Variants in ARSK observed in about 807,000 individuals in gnomAD.
ARSK encodes the protein arylsulfatase K.
Under a neutral mutation model 53.2 loss-of-function variants are expected in ARSK, and 37 were observed. The ratio of observed to expected loss-of-function variants is 0.70; its 90% confidence interval spans 0.54 to 0.92. The LOEUF is 0.92. Among genes scored for constraint, ARSK ranks in the 40% least tolerant of loss-of-function variants. The pLI, the probability that ARSK is intolerant of heterozygous loss-of-function variation, is 0.00. For synonymous variants in ARSK, 208 were observed against 223.2 expected (o/e 0.93, Z 0.61); for missense variants, 613 against 643.0 (o/e 0.95, Z 0.51).
chr5:95,576,750 G>A (rs927586924), intron 3 of ARSK, among the ~76,000 whole-genome samples: 44 of 151,766 alleles, frequency 2.9e-4, no homozygotes, highest in Admixed American at 9.8e-4. Flanking sequence ...CCCAGACTCT[G>A]GGTCTTCTCA....
chr5:95,582,381 A>C (rs1032148911), intron 3 of ARSK, among the ~76,000 whole-genome samples: 2 of 152,152 alleles, frequency 1.3e-5, no homozygotes, highest in Non-Finnish European at 1.5e-5. Context: ...TCGTATCACT[A>C]TTAGCTTAGA....
At position 95,566,120 on chromosome 5, in the gene ARSK, A is replaced by G; in HGVS notation, c.249A>G (p.Ser83=). ...AYTNSPICCP[S]RAAMWSGLFT... The stretch of plus-strand genomic sequence containing the variant: ...CAAACTCTCCAATTTGTTGCCCATC[A>G]CGCGCAGGTATGAACATCCTTAATA... Residue 83 remains serine (S), a synonymous_variant, in exon 2 of 8, where the codon TCA becomes TCG. Coordinates refer to ENST00000380009, the MANE Select transcript of ARSK (RefSeq NM_198150.3). 2 of 1,613,432 alleles carry G rather than the reference A, an allele frequency of 1.2e-6. No homozygotes were observed. Among genetic ancestry groups the G allele is most frequent in the African/African-American group, 1.3e-5 (1 of 75,014 alleles).
intron 1 of ARSK, among the ~76,000 whole-genome samples, chr5:95,559,045 G>A (rs1192755779): frequency 6.6e-6 from 1 of 152,202 alleles, no homozygotes; most frequent in Non-Finnish European, 1.5e-5. Context: ...GGAGGCTGAG[G>A]CAGGGAGAAT....
rs902167609 is a variant in ARSK, at chr5:95,591,515, T to G, written c.986T>G (p.Met329Arg). 11 of 1,614,060 alleles carry G rather than the reference T, an allele frequency of 6.8e-6. No individual in the cohort carries two copies. The highest frequency in any genetic ancestry group is 6.7e-5 in the African/African-American group (5 of 74,940). The change falls in exon 6 of 8, where the codon ATG becomes AGG. Residue 329 changes from methionine (M) to arginine (R), a missense_variant. Met to Arg is a moderately conservative substitution (Grantham distance 91). Coordinates refer to ENST00000380009, the MANE Select transcript of ARSK (RefSeq NM_198150.3). ...CATCGACAGTTTTATAAAATGAGCA[T>G]GTACGAGGCTAGTGCACATGTTCCG... ...MEHRQFYKMS[M>R]YEASAHVPLL... is the part of the protein sequence containing the mutation.
chr5:95,563,588 T>G (rs940798463), intron 1 of ARSK, among the ~76,000 whole-genome samples: 1 of 152,218 alleles, frequency 6.6e-6, no homozygotes, highest in Non-Finnish European at 1.5e-5. Context: ...ATACAGATAA[T>G]GTCCCTGTAC....
At chr5:95,581,973 T>C (rs1003472774) in intron 3 of ARSK, among the ~76,000 whole-genome samples, 6 of 152,136 alleles carry the variant, frequency 3.9e-5, no homozygotes, top group Admixed American at 2.6e-4. Flanking sequence ...GAAGTCAGGG[T>C]ATAAAATTTT....
intron 1 of ARSK, among the ~76,000 whole-genome samples, chr5:95,561,374 G>C (rs1447502903): frequency 6.6e-6 from 1 of 152,174 alleles, no homozygotes; most frequent in Non-Finnish European, 1.5e-5. Flanking sequence ...TAACCATAGA[G>C]TTGCTGTATA....
chr5:95,592,165 A>C (rs1442765134), intron 6 of ARSK, among the ~76,000 whole-genome samples: 1 of 152,240 alleles, frequency 6.6e-6, no homozygotes, highest in Non-Finnish European at 1.5e-5. Context: ...GACATAATCA[A>C]ATTCAAAGGA....
chr5:95,591,807 T>C (rs1749222396), intron 6 of ARSK, among the ~76,000 whole-genome samples, 182 bp downstream of exon 6: 1 of 152,210 alleles, frequency 6.6e-6, no homozygotes, highest in East Asian at 1.9e-4. Context: ...TTGTTTTTCA[T>C]GTCCCTGTGG....
rs1339146551 is a variant in ARSK at position 95,567,917 on chromosome 5, T to C, written c.284T>C (p.Leu95Ser). ...AAMWSGLFTHLTESWNNFKGL... is the reference protein window; with the variant it reads ...AAMWSGLFTHSTESWNNFKGL... Reference sequence around the variant, plus strand: ...ATGTGGAGTGGCCTCTTCACTCACTTAACAGAATCTTGGAATAATTTTAAG... The same window carrying C: ...ATGTGGAGTGGCCTCTTCACTCACTCAACAGAATCTTGGAATAATTTTAAG... The change falls in exon 3 of 8, where the codon TTA becomes TCA. Residue 95 changes from leucine to serine, a missense_variant. Coordinates refer to ENST00000380009, the MANE Select transcript of ARSK (RefSeq NM_198150.3). 1 of 1,612,490 alleles carries C rather than the reference T, an allele frequency of 6.2e-7. No homozygotes were observed. Among genetic ancestry groups the C allele is most frequent in the African/African-American group, 1.3e-5 (1 of 74,798 alleles).
chr5:95,597,534 C>T (rs967520878), intron 6 of ARSK, among the ~76,000 whole-genome samples: 3 of 152,172 alleles, frequency 2.0e-5, no homozygotes, highest in Admixed American at 2.0e-4. Context: ...CCTCTTTACT[C>T]GTTACCAACT....
chr5:95,571,914 A>G (rs1748838310), intron 3 of ARSK, among the ~76,000 whole-genome samples: 1 of 152,236 alleles, frequency 6.6e-6, no homozygotes, highest in African/African-American at 2.4e-5. Context: ...CTCAAATATC[A>G]AATTTCATAA....
At position 95,582,573 on chromosome 5, in the gene ARSK, GA is replaced by G. The variant is rs981781893; in HGVS notation, c.417-336del. ...TGGTTAGGAATAATATCTTCTAAGTGAAAAAAAGAAAAATATTAGAAAATCC... is the reference window on the plus strand; with the variant it reads ...TGGTTAGGAATAATATCTTCTAAGTGAAAAAAGAAAAATATTAGAAAATCC... On this transcript the variant is annotated intron_variant, in intron 3 of 7. Coordinates refer to ENST00000380009, the MANE Select transcript of ARSK (RefSeq NM_198150.3). Among the ~76,000 whole-genome samples the G allele has an allele frequency of 6.6e-5, 10 of 151,790 alleles. No homozygotes were observed. The South Asian group carries it at 8.3e-4, about 13-fold the overall frequency.
intron 3 of ARSK, among the ~76,000 whole-genome samples, chr5:95,572,647 G>A (rs537586232): frequency 4.5e-4 from 68 of 152,212 alleles, no homozygotes; most frequent in South Asian, 3.7e-3. Flanking sequence ...GCGTGGTGGC[G>A]GGCCCCTGTA....
intron 3 of ARSK, among the ~76,000 whole-genome samples, chr5:95,570,855 C>T (rs1468864007): frequency 2.0e-5 from 3 of 151,370 alleles, no homozygotes; most frequent in Non-Finnish European, 4.4e-5. Context: ...GATCTTGGCT[C>T]GCTGCAACCT....
Position 95,583,203 on chromosome 5 carries a change from G to C in ARSK, c.699+5G>C. Reference sequence around the variant, plus strand: ...TCTCTTTATTGGCTTGAAAAAGTAAGTAACTACATTGTGTGTGCTCAAAAG... The same window carrying C: ...TCTCTTTATTGGCTTGAAAAAGTAACTAACTACATTGTGTGTGCTCAAAAG... On this transcript the variant is annotated splice_donor_5th_base_variant and intron_variant, in intron 4 of 7. Coordinates refer to ENST00000380009, the MANE Select transcript of ARSK (RefSeq NM_198150.3). The C allele has an allele frequency of 6.5e-7, 1 of 1,545,884 alleles. No individual in the cohort carries two copies. The highest frequency in any genetic ancestry group is 8.8e-7 in the Non-Finnish European group (1 of 1,140,338).
Position 95,582,984 on chromosome 5 carries a change from A to T in ARSK, c.485A>T (p.Asn162Ile). 5.0e-6 allele frequency: 8 copies of T among 1,613,880 alleles called. No individual in the cohort carries two copies. The highest frequency in any genetic ancestry group is 6.8e-6 in the Non-Finnish European group (8 of 1,179,796). Residue 162 changes from asparagine (N) to isoleucine (I), a missense_variant, in exon 4 of 8, where the codon AAT becomes ATT. Asn to Ile is a moderately radical substitution (Grantham distance 149). Transcript: ENST00000380009. ...LLRQEGRPMV[N>I]LIRNRTKVRV... ...AGACAAGAAGGCAGGCCCATGGTTA[A>T]TCTTATCCGTAACAGGACTAAAGTC...
At position 95,567,878 on chromosome 5, in the gene ARSK, T is replaced by C; in HGVS notation, c.257-12T>C. On this transcript the variant is annotated splice_polypyrimidine_tract_variant and intron_variant, in intron 2 of 7. Coordinates refer to ENST00000380009, the MANE Select transcript of ARSK (RefSeq NM_198150.3). ...TTACCTTAATCCCAATTCCTTTTTT[T>C]TTTTTTCTCAGCAATGTGGAGTGGC... is the stretch of plus-strand genomic sequence containing the variant. 1 of 1,577,954 alleles carries C rather than the reference T, an allele frequency of 6.3e-7. No homozygotes were observed. Among genetic ancestry groups the C allele is most frequent in the Non-Finnish European group, 8.6e-7 (1 of 1,167,580 alleles).
At chr5:95,561,003 G>GT (rs1287092747) in intron 1 of ARSK, among the ~76,000 whole-genome samples, 2 of 151,932 alleles carry the variant, frequency 1.3e-5, no homozygotes, top group Non-Finnish European at 2.9e-5. Context: ...TAGAGATGGG[G>GT]TTTCACCGTA....
Sources: gnomAD v4.1 joint callset for allele counts (sites outside exome capture counted in the v4.1 genomes callset) on GRCh38, gnomAD v4.1.1 for gene constraint, MANE v1.5 for transcripts, NCBI Gene and HGNC (gene_info 2026-07-23, HGNC 2026-07-21) for gene names.